Variants in FHAD1 observed in about 807,000 individuals in gnomAD.
FHAD1 encodes forkhead-associated domain-containing protein 1.
Under a neutral mutation model 191.3 loss-of-function variants are expected in FHAD1, and 146 were observed. That is an observed-to-expected ratio of 0.76 (90% CI 0.67 to 0.88). FHAD1 has a LOEUF of 0.88. Ranked by LOEUF, FHAD1 falls within the 40% of genes least tolerant of loss-of-function variation. The probability of loss-of-function intolerance (pLI) is 0.00; values close to 1 mark genes in which losing one functional copy is unlikely to be tolerated. For synonymous variants in FHAD1, 616 were observed against 672.3 expected, an observed-to-expected ratio of 0.92 and a Z score of 1.29; for missense variants, 1,635 against 1,785.8, an observed-to-expected ratio of 0.92 and a Z score of 1.52.
intron 3 of FHAD1, among the ~76,000 whole-genome samples, chr1:15,274,908 T>A (rs188310037): frequency 6.6e-6 from 1 of 152,228 alleles, no homozygotes; most frequent in Admixed American, 6.5e-5. Flanking sequence ...GAGAAAACCA[T>A]TGGGTCAGCT....
At chr1:15,315,684 C>T (rs1220262396) in intron 8 of FHAD1, among the ~76,000 whole-genome samples, 1 of 152,084 alleles carries the variant, frequency 6.6e-6, no homozygotes, top group Non-Finnish European at 1.5e-5. Context: ...GACAGGGTTT[C>T]ATCGTGTTAG....
intron 25 of FHAD1, among the ~76,000 whole-genome samples, chr1:15,368,019 T>A (rs1697011445): frequency 6.6e-6 from 1 of 152,224 alleles, no homozygotes; most frequent in Non-Finnish European, 1.5e-5. Context: ...TTGCCCAGGC[T>A]GGAGTGCAGT....
intron 27 of FHAD1, 129 bp from the exon 28 acceptor site, chr1:15,375,474 A>C (rs1342870299): frequency 2.3e-6 from 2 of 869,274 alleles, no homozygotes; most frequent in Non-Finnish European, 3.4e-6. Context: ...CTGTGTCCTC[A>C]TCTGCCACGG....
intron 26 of FHAD1, among the ~76,000 whole-genome samples, chr1:15,371,101 C>G (rs995067352): frequency 6.6e-6 from 1 of 152,186 alleles, no homozygotes; most frequent in Non-Finnish European, 1.5e-5. Context: ...CCGTAAGCTC[C>G]GTGGGGCAGG....
At chr1:15,297,950 C>T (rs1223369103) in intron 5 of FHAD1, among the ~76,000 whole-genome samples, 1 of 151,766 alleles carries the variant, frequency 6.6e-6, no homozygotes, top group African/African-American at 2.4e-5. Context: ...CTAGTACAGC[C>T]AATATGGAAA....
At chr1:15,353,631 G>A (rs1170767952) in intron 20 of FHAD1, among the ~76,000 whole-genome samples, 1 of 150,624 alleles carries the variant, frequency 6.6e-6, no homozygotes, top group Admixed American at 6.6e-5. Flanking sequence ...CTTGAACCTG[G>A]GAGGCGGAGG....
At position 15,337,472 on chromosome 1, in the gene FHAD1, T is replaced by C. The variant is rs536224632; in HGVS notation, c.1907-2009T>C. 7.9e-5 allele frequency among the ~76,000 whole-genome samples: 12 copies of C among 152,208 alleles called. No individual in the cohort carries two copies. The South Asian group carries it at 2.5e-3, about 32-fold the overall frequency. On this transcript the variant is annotated intron_variant, in intron 14 of 33. Coordinates refer to ENST00000688493, the MANE Select transcript of FHAD1 (RefSeq NM_001391957.1). ...GCGTCTCTCGGGCCCTTAGCGGAGC[T>C]CCCTGCCTCTCACTCAGAGGAGGGG...
At chr1:15,309,643 T>C (rs1282316708) in intron 7 of FHAD1, among the ~76,000 whole-genome samples, 1 of 151,232 alleles carries the variant, frequency 6.6e-6, no homozygotes, top group Non-Finnish European at 1.5e-5. Context: ...TCCTCAACTT[T>C]CCTAAAACAT....
Position 15,381,166 on chromosome 1 carries a change from C to T in FHAD1, c.3802-65C>T, listed in dbSNP as rs1358147477. On this transcript the variant is annotated intron_variant, in intron 29 of 33. Coordinates refer to ENST00000688493, the MANE Select transcript of FHAD1 (RefSeq NM_001391957.1). The surrounding 1 kb of genome is among the most constrained non-coding windows in gnomAD (Gnocchi z 4.6). ...TGAATGAAACAGAATTAGACATTGGCCTCCTTAAAGCGGCCACCAGCGGCC... is the reference window on the plus strand; with the variant it reads ...TGAATGAAACAGAATTAGACATTGGTCTCCTTAAAGCGGCCACCAGCGGCC... The T allele has an allele frequency of 2.8e-6, 3 of 1,063,358 alleles. No homozygotes were observed. Among genetic ancestry groups the T allele is most frequent in the African/African-American group, 3.2e-5 (2 of 62,786 alleles). The allele number at this position is 1,063,358 out of a possible 1,614,324, so 65.9% of individuals were successfully genotyped here.
intron 14 of FHAD1, among the ~76,000 whole-genome samples, chr1:15,330,615 T>C (rs565339216): frequency 6.6e-6 from 1 of 152,282 alleles, no homozygotes; most frequent in Admixed American, 6.5e-5. Context: ...CAGGGTTCGA[T>C]CTGGTCAGGG....
Position 15,367,503 on chromosome 1 carries a change from C to G in FHAD1, c.3195C>G (p.Asn1065Lys), listed in dbSNP as rs887478575. The change falls in exon 25 of 34, where the codon AAC (asparagine) becomes AAG (lysine). Residue 1065 changes from asparagine (N) to lysine (K), a missense_variant. By Grantham distance (94) the Asn-to-Lys change is moderately conservative (BLOSUM62 0). Coordinates refer to ENST00000688493, the MANE Select transcript of FHAD1 (RefSeq NM_001391957.1). ...NEKQKMELEQNVVLVQQQSKE... is the reference protein window; with the variant it reads ...NEKQKMELEQKVVLVQQQSKE... ...AGCAGAAGATGGAACTGGAGCAGAA[C>G]GTGGTGCTGGTCCAGCAGCAGAGCA... 6 of 1,551,324 alleles carry G rather than the reference C, an allele frequency of 3.9e-6. No homozygotes were observed. The highest frequency in any genetic ancestry group is 2.4e-5 in the East Asian group (1 of 40,898).
intron 10 of FHAD1, among the ~76,000 whole-genome samples, chr1:15,319,122 G>A (rs976799546): frequency 6.6e-6 from 1 of 152,120 alleles, no homozygotes; most frequent in South Asian, 2.1e-4. Flanking sequence ...GAGACACCAC[G>A]CCCAACCACA....
At chr1:15,286,710 C>A (rs934355120) in intron 3 of FHAD1, among the ~76,000 whole-genome samples, 1 of 152,212 alleles carries the variant, frequency 6.6e-6, no homozygotes, top group African/African-American at 2.4e-5. Context: ...GCCCCACCCA[C>A]AACAATTGGC....
chr1:15,246,241 C>T (rs1172003979), upstream of FHAD1, among the ~76,000 whole-genome samples: 1 of 152,136 alleles, frequency 6.6e-6, no homozygotes, highest in Non-Finnish European at 1.5e-5. Context: ...GAAGTCTGCC[C>T]CCATGATTCA....
chr1:15,248,463 A>G (rs1646367572), intron 1 of FHAD1, among the ~76,000 whole-genome samples: 1 of 152,066 alleles, frequency 6.6e-6, no homozygotes, highest in South Asian at 2.1e-4. Context: ...GCTCAGGTGG[A>G]TGCTGTGCAC....
Position 15,374,858 on chromosome 1 carries a change from T to G in FHAD1, c.3577+227T>G, listed in dbSNP as rs533037522. Among the ~76,000 whole-genome samples, 128 of 112,092 alleles carry G rather than the reference T, an allele frequency of 1.1e-3. 4 individuals are homozygous for G. The East Asian group carries it at 0.016, about 14-fold the overall frequency. The allele number at this position is 112,092 out of a possible 152,430, so 73.5% of individuals were successfully genotyped here. A position where few individuals can be genotyped will look rare whatever the true frequency, so the allele number is the denominator to read the frequency against. ...AACTCACTATTGTACGTTTTTTTTT[T>G]TGTTTGTTTTTTTTTTTTGAGACAG... On this transcript the variant is annotated intron_variant, in intron 27 of 33. Coordinates refer to ENST00000688493, the MANE Select transcript of FHAD1 (RefSeq NM_001391957.1).
At chr1:15,270,324 G>C (rs1655367069) in intron 2 of FHAD1, among the ~76,000 whole-genome samples, 1 of 152,134 alleles carries the variant, frequency 6.6e-6, no homozygotes, top group South Asian at 2.1e-4. Context: ...AAAGTGTTTG[G>C]TGGAAACTTG....
In FHAD1 at chr1:15,289,281, C is replaced by G. The variant is rs1032952803; in HGVS notation, c.301-118C>G. 20 of 1,366,014 alleles carry G rather than the reference C, an allele frequency of 1.5e-5. No individual in the cohort carries two copies. In the African/African-American group the frequency reaches 2.9e-4, roughly 20 times the overall value. 84.6% of individuals were successfully genotyped at this position (1,366,014 alleles called of 1,614,324 possible). Reference sequence around the variant, plus strand: ...GGGATTATAGCTGTGTGCCACCCTGCCCGACCGGAAGTGACTCATAAACCA... The same window carrying G: ...GGGATTATAGCTGTGTGCCACCCTGGCCGACCGGAAGTGACTCATAAACCA... On this transcript the variant is annotated intron_variant, in intron 3 of 33. Transcript: ENST00000688493. This position sits in a 1 kb window ranked among gnomAD's most constrained non-coding sequence, Gnocchi z 4.2.
chr1:15,370,149 G>T (rs566399135), intron 26 of FHAD1, among the ~76,000 whole-genome samples: 1 of 151,742 alleles, frequency 6.6e-6, no homozygotes, highest in Admixed American at 6.6e-5. Flanking sequence ...ACGAATTTTT[G>T]TATTTTTAGT....
Sources: allele counts gnomAD v4.1 joint callset (sites outside exome capture counted in the v4.1 genomes callset), GRCh38; gene constraint gnomAD v4.1.1; non-coding constraint Gnocchi (gnomAD v3.1); transcripts MANE v1.5; gene names NCBI Gene and HGNC (gene_info 2026-07-23, HGNC 2026-07-21).